NR3C2: variants seen among roughly 807,000 people sequenced by gnomAD.
NR3C2 encodes nuclear receptor subfamily 3 group C member 2.
NR3C2 carries 15 observed loss-of-function variants against 86.4 expected under a neutral mutation model. That is an observed-to-expected ratio of 0.17 (90% CI 0.12 to 0.27). NR3C2 has a LOEUF of 0.27. Ranked by LOEUF, NR3C2 falls within the 10% of genes least tolerant of loss-of-function variation. The probability of loss-of-function intolerance (pLI) is 1.00; values close to 1 mark genes in which losing one functional copy is unlikely to be tolerated. For synonymous variants in NR3C2, 458 were observed against 450.5 expected (o/e 1.02, Z -0.21); for missense variants, 960 against 1,195.6 (o/e 0.80, Z 2.91).
intron 2 of NR3C2, among the ~76,000 whole-genome samples, chr4:148,424,751 T>A (rs1749446148): frequency 6.6e-6 from 1 of 150,880 alleles, no homozygotes; most frequent in Non-Finnish European, 1.5e-5. Flanking sequence ...GCATATACAG[T>A]GGTCACTACG....
intron 4 of NR3C2, among the ~76,000 whole-genome samples, chr4:148,178,952 A>G (rs145292224): frequency 8.0e-4 from 121 of 151,420 alleles, no homozygotes; most frequent in African/African-American, 2.6e-3. Flanking sequence ...AAAAAACAAA[A>G]AAAAACAACA....
At chr4:148,427,005 A>C (rs1410844937) in intron 2 of NR3C2, among the ~76,000 whole-genome samples, 1 of 151,544 alleles carries the variant, frequency 6.6e-6, no homozygotes, top group African/African-American at 2.4e-5. Context: ...ACCCAGGCTG[A>C]AGTGTAGTAC....
At chr4:148,217,329 A>T (rs1737592708) in intron 3 of NR3C2, among the ~76,000 whole-genome samples, 1 of 152,240 alleles carries the variant, frequency 6.6e-6, no homozygotes, top group Non-Finnish European at 1.5e-5. Context: ...CCATTTCAGA[A>T]TACGAATACA....
intron 2 of NR3C2, among the ~76,000 whole-genome samples, chr4:148,295,677 T>G (rs1431792050): frequency 6.6e-6 from 1 of 151,620 alleles, no homozygotes; most frequent in Non-Finnish European, 1.5e-5. Context: ...CTGGCATTAC[T>G]GTAACTTTGT....
chr4:148,443,249 A>G (rs982627163), upstream of NR3C2, among the ~76,000 whole-genome samples: 18 of 145,620 alleles, frequency 1.2e-4, no homozygotes, highest in African/African-American at 4.2e-4. Context: ...AAAAAAAAAA[A>G]AAAAAGAGAG....
chr4:148,308,413 C>T (rs1019328998), intron 2 of NR3C2, among the ~76,000 whole-genome samples: 8 of 151,938 alleles, frequency 5.3e-5, no homozygotes, highest in Admixed American at 3.3e-4. Context: ...TGAAATCCAC[C>T]AGCATATAAA....
At chr4:148,129,099 C>T (rs565254637) in intron 6 of NR3C2, among the ~76,000 whole-genome samples, 4 of 152,246 alleles carry the variant, frequency 2.6e-5, no homozygotes, top group African/African-American at 7.2e-5. Flanking sequence ...GCATTATTCA[C>T]AATAGGCAAA....
chr4:148,412,072 G>A (rs948571237), intron 2 of NR3C2, among the ~76,000 whole-genome samples: 14 of 152,134 alleles, frequency 9.2e-5, no homozygotes, highest in African/African-American at 3.4e-4. Context: ...CCTCTCAAAA[G>A]TGTAAGTTTC....
chr4:148,285,365 A>G lies in NR3C2; in HGVS notation c.1758-25248T>C, dbSNP rs929140127. Among the ~76,000 whole-genome samples, 8 of 152,336 alleles carry G rather than the reference A, an allele frequency of 5.3e-5. No individual in the cohort carries two copies. The South Asian group carries it at 8.3e-4, about 16-fold the overall frequency. ...CTGGCATCAACAAGAGAAGCAACAA[A>G]CTGGTTTATAGAAAAGTCCAGAAAA... On this transcript the variant is annotated intron_variant, in intron 2 of 8. Transcript: ENST00000358102.
intron 2 of NR3C2, among the ~76,000 whole-genome samples, chr4:148,357,911 G>T (rs1579201007): frequency 6.6e-6 from 1 of 152,168 alleles, no homozygotes; most frequent in Non-Finnish European, 1.5e-5. Context: ...TTATGCTGTT[G>T]TAAGAGGAAA....
At chr4:148,245,807 T>C (rs1244906118) in intron 3 of NR3C2, among the ~76,000 whole-genome samples, 2 of 152,232 alleles carry the variant, frequency 1.3e-5, no homozygotes, top group African/African-American at 4.8e-5. Context: ...AAATTTTGTA[T>C]GTAGAAAGAA....
intron 2 of NR3C2, among the ~76,000 whole-genome samples, chr4:148,327,798 G>A (rs1351636995): frequency 6.6e-6 from 1 of 152,128 alleles, no homozygotes; most frequent in Non-Finnish European, 1.5e-5. Context: ...GACTTAACCT[G>A]CTTGGCTTTA....
chr4:148,360,663 A>C (rs1220734584), intron 2 of NR3C2, among the ~76,000 whole-genome samples: 1 of 152,230 alleles, frequency 6.6e-6, no homozygotes, highest in African/African-American at 2.4e-5. Flanking sequence ...TCATAATTTG[A>C]ATCAGTTTGA....
In NR3C2 at chr4:148,293,972, A is replaced by G. The variant is rs565550390; in HGVS notation, c.1758-33855T>C. 5.3e-5 allele frequency among the ~76,000 whole-genome samples: 8 copies of G among 152,282 alleles called. No homozygotes were observed. The South Asian group carries it at 1.7e-3, about 32-fold the overall frequency. ...CAGGGCCCATCTTCCATGCAAAATC[A>G]TAAAGTTGTCTTGTACTCAAAGCTG... On this transcript the variant is annotated intron_variant, in intron 2 of 8. Transcript: ENST00000358102.
At chr4:148,167,583 G>A (rs1734935133) in intron 4 of NR3C2, among the ~76,000 whole-genome samples, 1 of 152,152 alleles carries the variant, frequency 6.6e-6, no homozygotes, top group South Asian at 2.1e-4. Flanking sequence ...CGTTTGTTCA[G>A]TTTCTGAAGT....
rs909088977 is a variant in NR3C2 at position 148,440,257 on chromosome 4, T to C, written c.-3+1903A>G. Among the ~76,000 whole-genome samples the C allele has an allele frequency of 3.3e-5, 5 of 152,356 alleles. 1 individual carries two copies. In the Middle Eastern group the frequency reaches 0.01, roughly 311 times the overall value. On this transcript the variant is annotated intron_variant, in intron 1 of 8. Coordinates refer to ENST00000358102, the MANE Select transcript of NR3C2 (RefSeq NM_000901.5). ...TTTTGAGTCTCCCTAGTATTTTAATTAGTCTTTTCTGTAAACAAATGGGTC... is the reference window on the plus strand; with the variant it reads ...TTTTGAGTCTCCCTAGTATTTTAATCAGTCTTTTCTGTAAACAAATGGGTC...
At chr4:148,090,801 CGT>C (rs1731025307) in intron 8 of NR3C2, among the ~76,000 whole-genome samples, 1 of 152,176 alleles carries the variant, frequency 6.6e-6, no homozygotes. Context: ...ACCTCTGTTC[CGT>C]GTTCCACAGA....
intron 3 of NR3C2, among the ~76,000 whole-genome samples, chr4:148,230,017 T>G (rs2149836750): frequency 6.6e-6 from 1 of 152,176 alleles, no homozygotes; most frequent in East Asian, 1.9e-4. Context: ...AGGTCAAAGG[T>G]TTCCTGAGAC....
chr4:148,102,763 T>C lies in NR3C2; in HGVS notation c.2799+11341A>G, dbSNP rs140102057. Among the ~76,000 whole-genome samples, 494 of 152,362 alleles carry C rather than the reference T, an allele frequency of 3.2e-3. 3 individuals are homozygous for C. Among genetic ancestry groups the C allele is most frequent in the African/African-American group, 0.011 (474 of 41,596 alleles). Reference sequence around the variant, plus strand: ...CCTTCTGCACAGCTTTCTGTTGTCATTATAAACAGAATGGTGGCAACTAGC... The same window carrying C: ...CCTTCTGCACAGCTTTCTGTTGTCACTATAAACAGAATGGTGGCAACTAGC... On this transcript the variant is annotated intron_variant, in intron 8 of 8. Transcript: ENST00000358102.
Sources: allele counts gnomAD v4.1 joint callset (sites outside exome capture counted in the v4.1 genomes callset), GRCh38; gene constraint gnomAD v4.1.1; transcripts MANE v1.5; gene names NCBI Gene and HGNC (gene_info 2026-07-23, HGNC 2026-07-21).